ERI3: variants seen among roughly 807,000 people sequenced by gnomAD.
ERI3 encodes ERI1 exoribonuclease 3.
Under a neutral mutation model 44.4 loss-of-function variants are expected in ERI3, and 18 were observed. The ratio of observed to expected loss-of-function variants is 0.41; its 90% CI spans 0.28 to 0.60. ERI3 has a LOEUF of 0.60. ERI3 is among the 20% of genes least tolerant of loss of function. The pLI is 0.36. For missense variants in ERI3, 294 were observed against 435.5 expected, an observed-to-expected ratio of 0.68 and a Z score of 2.89; for synonymous variants, 183 against 164.8, an observed-to-expected ratio of 1.11 and a Z score of -0.84.
chr1:44,224,308 T>TAA (rs1643981363), intron 8 of ERI3, among the ~76,000 whole-genome samples: 1 of 152,210 alleles, frequency 6.6e-6, no homozygotes, highest in Admixed American at 6.5e-5. Flanking sequence ...TAATATGTCT[T>TAA]AAAGGCTCCG....
At chr1:44,263,684 T>TGGG (rs1644935589) in intron 7 of ERI3, among the ~76,000 whole-genome samples, 4 of 151,980 alleles carry the variant, frequency 2.6e-5, no homozygotes, top group African/African-American at 9.7e-5. Flanking sequence ...CTGAGAGGAG[T>TGGG]ATAGGCTTGG....
chr1:44,345,150 G>A (rs1022581328), intron 2 of ERI3, among the ~76,000 whole-genome samples: 8 of 152,238 alleles, frequency 5.3e-5, no homozygotes, highest in African/African-American at 1.9e-4. Context: ...CAGATTAGAG[G>A]AACCACAGAG....
intron 7 of ERI3, among the ~76,000 whole-genome samples, chr1:44,257,270 G>A (rs1048513289): frequency 1.2e-4 from 18 of 152,118 alleles, no homozygotes; most frequent in Admixed American, 1.0e-3. Context: ...TTAACAACAG[G>A]AGGTATGGAA....
chr1:44,267,237 T>C (rs1234070077), intron 7 of ERI3, among the ~76,000 whole-genome samples: 1 of 152,150 alleles, frequency 6.6e-6, no homozygotes, highest in East Asian at 1.9e-4. Flanking sequence ...GACTTGTAGG[T>C]GGATGAAGAG....
At position 44,259,511 on chromosome 1, in the gene ERI3, C is replaced by T. The variant is rs574722075; in HGVS notation, c.832-11473G>A. Among the ~76,000 whole-genome samples the T allele has an allele frequency of 2.0e-5, 3 of 152,252 alleles. No individual in the cohort carries two copies. The South Asian group carries it at 6.2e-4, about 32-fold the overall frequency. On this transcript the variant is annotated intron_variant, in intron 7 of 8. Coordinates refer to ENST00000372257, the MANE Select transcript of ERI3 (RefSeq NM_024066.3). Reference sequence around the variant, plus strand: ...AAGGCCATTCAGGGGCCCTCCACTACCACGCTATGTGATCTTGGGGTGCTC... The same window carrying T: ...AAGGCCATTCAGGGGCCCTCCACTATCACGCTATGTGATCTTGGGGTGCTC...
chr1:44,291,561 T>TA (rs1237108671), intron 6 of ERI3, among the ~76,000 whole-genome samples: 2 of 152,130 alleles, frequency 1.3e-5, no homozygotes, highest in Non-Finnish European at 1.5e-5. Context: ...GCCTACAGGA[T>TA]AGAGTGCTGG....
intron 6 of ERI3, among the ~76,000 whole-genome samples, chr1:44,288,355 A>G (rs1247011451): frequency 6.6e-6 from 1 of 152,162 alleles, no homozygotes; most frequent in Non-Finnish European, 1.5e-5. Flanking sequence ...GGGTCATCCT[A>G]GCCCTGTGAC....
intron 6 of ERI3, among the ~76,000 whole-genome samples, chr1:44,285,988 G>GA (rs1319364353): frequency 6.6e-6 from 1 of 152,106 alleles, no homozygotes; most frequent in Non-Finnish European, 1.5e-5. Flanking sequence ...AACAGTAGTG[G>GA]AAAAAATGGT....
intron 3 of ERI3, among the ~76,000 whole-genome samples, chr1:44,322,324 G>A (rs774443118): frequency 5.3e-5 from 8 of 151,366 alleles, no homozygotes; most frequent in Non-Finnish European, 7.4e-5. Flanking sequence ...GGCCAACTAC[G>A]TGCTGAAACT....
chr1:44,331,609 C>T (rs538837350), intron 3 of ERI3, among the ~76,000 whole-genome samples: 2 of 152,280 alleles, frequency 1.3e-5, no homozygotes, highest in East Asian at 1.9e-4. Context: ...TGAGAAACAG[C>T]GTAAAACTGA....
chr1:44,298,521 G>C (rs1645656542), intron 6 of ERI3, among the ~76,000 whole-genome samples: 1 of 152,168 alleles, frequency 6.6e-6, no homozygotes, highest in Non-Finnish European at 1.5e-5. Flanking sequence ...ATAAAATGTA[G>C]TATAATACAA....
chr1:44,271,444 A>G (rs1302178501), intron 7 of ERI3, among the ~76,000 whole-genome samples: 1 of 152,142 alleles, frequency 6.6e-6, no homozygotes, highest in Non-Finnish European at 1.5e-5. Context: ...CCACACCCCA[A>G]ATAAAAATGA....
intron 3 of ERI3, among the ~76,000 whole-genome samples, chr1:44,319,987 T>C (rs1332463659): frequency 6.6e-6 from 1 of 152,176 alleles, no homozygotes; most frequent in Non-Finnish European, 1.5e-5. Flanking sequence ...CCATTGTTTC[T>C]GGAAATGGGA....
At chr1:44,344,233 CAATAAATAAATAAATAAATA>C (rs10652551) in intron 2 of ERI3, among the ~76,000 whole-genome samples, 87 of 142,642 alleles carry the variant, frequency 6.1e-4, no homozygotes, top group African/African-American at 1.7e-3. Flanking sequence ...GACTCCATCT[CAATAAATAAATAAATAAATA>C]AATAAATAAA....
chr1:44,328,640 G>A (rs901901849), intron 3 of ERI3, among the ~76,000 whole-genome samples: 5 of 152,100 alleles, frequency 3.3e-5, no homozygotes, highest in African/African-American at 9.7e-5. Flanking sequence ...CAGTAGGGCC[G>A]GCATGACATT....
rs777257581 is a variant in ERI3 at position 44,221,518 on chromosome 1, A to G, written c.*40T>C. ...GGAGAGGAGGATTCTGGGCTGGGCCAAACAGCTACCCTGTCCTGCCCCATC... is the reference window on the plus strand; with the variant it reads ...GGAGAGGAGGATTCTGGGCTGGGCCGAACAGCTACCCTGTCCTGCCCCATC... On this transcript the variant is annotated 3_prime_UTR_variant, in exon 9 of 9. Coordinates refer to ENST00000372257, the MANE Select transcript of ERI3 (RefSeq NM_024066.3). This position sits in a 1 kb window ranked among gnomAD's most constrained non-coding sequence, Gnocchi z 5.9. The G allele has an allele frequency of 2.6e-6, 4 of 1,565,620 alleles. No homozygotes were observed. The East Asian group carries it at 9.0e-5, about 35-fold the overall frequency.
chr1:44,236,599 G>C (rs1644310335), intron 8 of ERI3, among the ~76,000 whole-genome samples: 1 of 152,088 alleles, frequency 6.6e-6, no homozygotes, highest in African/African-American at 2.4e-5. Context: ...AAAGCCACAT[G>C]GGAAGGCAAT....
intron 2 of ERI3, among the ~76,000 whole-genome samples, chr1:44,344,133 G>A (rs1006165426): frequency 2.0e-5 from 3 of 151,750 alleles, no homozygotes; most frequent in Non-Finnish European, 4.4e-5. Context: ...AGTGACTCAG[G>A]GGGCTGAGGC....
At chr1:44,300,399 C>T (rs6429535) in intron 6 of ERI3, among the ~76,000 whole-genome samples, 38,454 of 152,124 alleles carry the variant, frequency 0.25, 4,948 homozygotes, top group Non-Finnish European at 0.26. Context: ...AAGTAAAATG[C>T]CAGAGGCCCT....
Sources: gnomAD v4.1 joint callset for allele counts (sites outside exome capture counted in the v4.1 genomes callset) on GRCh38, gnomAD v4.1.1 for gene constraint, Gnocchi (gnomAD v3.1) non-coding constraint, MANE v1.5 for transcripts, NCBI Gene and HGNC (gene_info 2026-07-23, HGNC 2026-07-21) for gene names.